BTRC: variants seen among roughly 807,000 people sequenced by gnomAD.
BTRC encodes F-box/WD repeat-containing protein 1A.
A neutral mutation model predicts 85.5 loss-of-function variants in BTRC; 42 were observed. That is an observed-to-expected ratio of 0.49 (90% CI 0.38 to 0.64). The LOEUF (loss-of-function observed/expected upper bound fraction) is 0.64. BTRC is among the 30% of genes least tolerant of loss of function. The probability of loss-of-function intolerance (pLI) is 0.00; values close to 1 mark genes in which losing one functional copy is unlikely to be tolerated. For synonymous variants in BTRC, 255 were observed against 263.3 expected (o/e 0.97, Z 0.30); for missense variants, 594 against 743.5 (o/e 0.80, Z 2.34).
chr10:101,550,777 A>C lies in BTRC; in HGVS notation c.1735A>C (p.Ile579Leu), dbSNP rs922011534. ...VSSSHDDTIL[I>L]WDFLNDPAAQ... is the part of the protein sequence containing the mutation. The stretch of plus-strand genomic sequence containing the variant: ...TAGTTCACATGATGACACAATCCTC[A>C]TCTGGGACTTCCTAAATGATCCAGC... The change falls in exon 14 of 15, where the codon ATC becomes CTC. Residue 579 changes from isoleucine to leucine, a missense_variant. Ile to Leu is a conservative substitution (Grantham distance 5, BLOSUM62 2). This residue lies in a region of BTRC where 56 missense variants were observed against 39.6 expected (regional missense o/e 1.41). Coordinates refer to ENST00000370187, the MANE Select transcript of BTRC (RefSeq NM_033637.4). 1.9e-5 allele frequency: 31 copies of C among 1,613,570 alleles called. No homozygotes were observed. Among genetic ancestry groups the C allele is most frequent in the Non-Finnish European group, 2.4e-5 (28 of 1,179,670 alleles).
chr10:101,364,543 G>T (rs1406923980), intron 1 of BTRC, among the ~76,000 whole-genome samples: 3 of 152,226 alleles, frequency 2.0e-5, no homozygotes, highest in Non-Finnish European at 4.4e-5. Context: ...AGGTTGCAAA[G>T]ATCAGGTGCT....
At chr10:101,420,073 TA>T (rs1944058346) in intron 1 of BTRC, among the ~76,000 whole-genome samples, 2 of 151,932 alleles carry the variant, frequency 1.3e-5, no homozygotes, top group Non-Finnish European at 2.9e-5. Context: ...TATATATATA[TA>T]TCATGAATAT....
At chr10:101,446,243 AAAATCC>A (rs1316476241) in intron 2 of BTRC, among the ~76,000 whole-genome samples, 1 of 152,036 alleles carries the variant, frequency 6.6e-6, no homozygotes, top group Non-Finnish European at 1.5e-5. Context: ...TGGAAACGGA[AAAATCC>A]TACTAGCCTC....
chr10:101,478,844 C>T (rs574417262), intron 3 of BTRC, among the ~76,000 whole-genome samples: 2 of 148,798 alleles, frequency 1.3e-5, no homozygotes, highest in African/African-American at 4.9e-5. Context: ...GAGGCTGAGG[C>T]AGGAGAATCG....
chr10:101,404,654 G>A (rs1943575613), intron 1 of BTRC, among the ~76,000 whole-genome samples: 1 of 152,102 alleles, frequency 6.6e-6, no homozygotes, highest in Non-Finnish European at 1.5e-5. Flanking sequence ...TGTGCCACTT[G>A]ATGGCCATTG....
At chr10:101,527,589 CAAAAAAATCAAAAA>C (rs2062211184) in intron 6 of BTRC, among the ~76,000 whole-genome samples, 1 of 151,882 alleles carries the variant, frequency 6.6e-6, no homozygotes, top group Non-Finnish European at 1.5e-5. Flanking sequence ...CTCATCTCTA[CAAAAAAATCAAAAA>C]ATTAGCTGGG....
At chr10:101,456,964 AG>A (rs995523661) in intron 2 of BTRC, among the ~76,000 whole-genome samples, 1 of 152,208 alleles carries the variant, frequency 6.6e-6, no homozygotes, top group Non-Finnish European at 1.5e-5. Flanking sequence ...ACTTATTCAT[AG>A]GGGGTATGTT....
At chr10:101,425,517 C>T (rs1944227646) in intron 1 of BTRC, among the ~76,000 whole-genome samples, 1 of 151,656 alleles carries the variant, frequency 6.6e-6, no homozygotes, top group Non-Finnish European at 1.5e-5. Flanking sequence ...TTTGTCATAG[C>T]TTTTGAGACT....
chr10:101,509,938 C>G (rs1258595446), intron 4 of BTRC, among the ~76,000 whole-genome samples: 10 of 150,510 alleles, frequency 6.6e-5, no homozygotes, highest in African/African-American at 2.2e-4. Context: ...GAGGCCAAGA[C>G]AGGTGGATCA....
At chr10:101,465,054 CT>C (rs1945336733) in intron 3 of BTRC, among the ~76,000 whole-genome samples, 1 of 152,128 alleles carries the variant, frequency 6.6e-6, no homozygotes, top group African/African-American at 2.4e-5. Flanking sequence ...TCCCTCTTTT[CT>C]CTATTGCATA....
intron 1 of BTRC, among the ~76,000 whole-genome samples, chr10:101,408,027 A>G (rs1943676145): frequency 6.6e-6 from 1 of 152,028 alleles, no homozygotes; most frequent in African/African-American, 2.4e-5. Context: ...TGGCCTAAAC[A>G]TTATTTCAAA....
intron 1 of BTRC, 77 bp downstream of exon 1, chr10:101,354,305 C>T (rs1941965298): frequency 8.7e-6 from 13 of 1,494,906 alleles, no homozygotes; most frequent in Non-Finnish European, 1.0e-5. Context: ...CGCCCGCCCA[C>T]TGCGGGACCG....
At chr10:101,433,248 T>C (rs1235514477) in intron 2 of BTRC, among the ~76,000 whole-genome samples, 2 of 152,186 alleles carry the variant, frequency 1.3e-5, no homozygotes, top group Admixed American at 6.5e-5. Context: ...TACATACATA[T>C]ATAGATGTTT....
intron 2 of BTRC, among the ~76,000 whole-genome samples, chr10:101,434,805 C>A (rs550815214): frequency 2.0e-5 from 3 of 150,562 alleles, no homozygotes; most frequent in African/African-American, 7.3e-5. Context: ...CTACTAAAAA[C>A]GCAAATTTAG....
chr10:101,430,716 G>A (rs937833331), intron 2 of BTRC, among the ~76,000 whole-genome samples: 1 of 152,168 alleles, frequency 6.6e-6, no homozygotes, highest in Non-Finnish European at 1.5e-5. Context: ...TCAAGTAGAA[G>A]TATGATAGTA....
chr10:101,395,064 C>A (rs565244105), intron 1 of BTRC, among the ~76,000 whole-genome samples: 23 of 152,246 alleles, frequency 1.5e-4, no homozygotes, highest in African/African-American at 5.5e-4. Flanking sequence ...AAAATTGTAT[C>A]ATCTTGTGTA....
intron 4 of BTRC, among the ~76,000 whole-genome samples, chr10:101,490,704 C>T (rs189289775): frequency 6.6e-6 from 1 of 152,272 alleles, no homozygotes; most frequent in East Asian, 1.9e-4. Context: ...CTACCTCTTG[C>T]TGCTTGTATA....
At chr10:101,385,360 C>CT (rs1258541657) in intron 1 of BTRC, among the ~76,000 whole-genome samples, 16 of 113,630 alleles carry the variant, frequency 1.4e-4, no homozygotes, top group African/African-American at 5.1e-4. Context: ...GAACGAGACT[C>CT]TGTCTCAAAA....
At chr10:101,419,090 AAC>A (rs1944028518) in intron 1 of BTRC, among the ~76,000 whole-genome samples, 1 of 151,086 alleles carries the variant, frequency 6.6e-6, no homozygotes, top group Non-Finnish European at 1.5e-5. Flanking sequence ...GGCTCACTGC[AAC>A]CTCTGCCTCC....
Sources: gnomAD v4.1 joint callset for allele counts (sites outside exome capture counted in the v4.1 genomes callset) on GRCh38, gnomAD v4.1.1 for gene constraint, gnomAD v4.1.1 regional missense constraint, MANE v1.5 for transcripts, NCBI Gene and HGNC (gene_info 2026-07-23, HGNC 2026-07-21) for gene names.